The following NISCH variants were observed in gnomAD, a reference collection of about 807,000 sequenced individuals.
NISCH encodes the protein nischarin, also known as I-1 receptor candidate protein.
NISCH carries 55 observed loss-of-function variants against 138.4 expected under a neutral mutation model. The ratio of observed to expected loss-of-function variants is 0.40; its 90% CI spans 0.32 to 0.50. The LOEUF is 0.50. Ranked by LOEUF, NISCH falls within the 20% of genes least tolerant of loss-of-function variation. The pLI is 0.71. For synonymous variants in NISCH, 860 were observed against 861.5 expected (o/e 1.00, Z 0.03); for missense variants, 1,643 against 2,005.5 (o/e 0.82, Z 3.45).
At chr3:52,486,643 A>G (rs1707408879) in intron 15 of NISCH, 1 of 152,966 alleles carries the variant, frequency 6.5e-6, no homozygotes, top group Non-Finnish European at 1.5e-5. Flanking sequence ...AGGGCTGCTG[A>G]AGATCGTATG....
In NISCH at chr3:52,485,807, A is replaced by G. The variant is rs749179050; in HGVS notation, c.1683A>G (p.Pro561=). 14 of 1,582,436 alleles carry G rather than the reference A, an allele frequency of 8.8e-6. No individual in the cohort carries two copies. Among genetic ancestry groups the G allele is most frequent in the South Asian group, 3.5e-5 (3 of 86,646 alleles). ...QAASDDLRDV[P]GAVGGASPEH... Reference sequence around the variant, plus strand: ...CTTCCGATGATTTAAGGGACGTGCCAGGAGCTGTTGGTGGTGCAAGGTAAG... The same window carrying G: ...CTTCCGATGATTTAAGGGACGTGCCGGGAGCTGTTGGTGGTGCAAGGTAAG... Residue 561 remains proline (P), a synonymous_variant, in exon 15 of 21, where the codon CCA becomes CCG. Transcript: ENST00000345716.
chr3:52,484,462 T>TTGGCGCCCCC, intron 13 of NISCH, 51 bp from the exon 14 acceptor site: 5 of 788,670 alleles, frequency 6.3e-6, no homozygotes, highest in Non-Finnish European at 9.1e-6. Flanking sequence ...ACAGCCGCTC[T>TTGGCGCCCCC]CCCCGCCCCA....
rs1286199787 is a variant in NISCH, at chr3:52,489,502, G to A, written c.3280G>A (p.Ala1094Thr). 6 of 1,611,384 alleles carry A rather than the reference G, an allele frequency of 3.7e-6. No homozygotes were observed. The highest frequency in any genetic ancestry group is 5.1e-6 in the Non-Finnish European group (6 of 1,178,332). Residue 1094 changes from alanine (A) to threonine (T), a missense_variant, in exon 17 of 21, where the codon GCT becomes ACT. Transcript: ENST00000345716. ...ALVPEETPVE[A>T]PAPPPAEAPA... ...GGTCCCAGAGGAGACGCCAGTGGAA[G>A]CTCCAGCCCCACCCCCAGCCGAGGC...
At chr3:52,461,052 C>T (rs1706618138) in intron 3 of NISCH, among the ~76,000 whole-genome samples, 1 of 152,110 alleles carries the variant, frequency 6.6e-6, no homozygotes. Flanking sequence ...CCAGCCTGGC[C>T]AACATAGCGA....
At chr3:52,466,142 TAC>T (rs748760977) in intron 3 of NISCH, among the ~76,000 whole-genome samples, 1 of 152,216 alleles carries the variant, frequency 6.6e-6, no homozygotes, top group Non-Finnish European at 1.5e-5. Flanking sequence ...CTTTTGAACT[TAC>T]AGTCTTGCAA....
At position 52,489,420 on chromosome 3, in the gene NISCH, C is replaced by T. The variant is rs755316814; in HGVS notation, c.3198C>T (p.Ala1066=). 5.0e-6 allele frequency: 8 copies of T among 1,603,610 alleles called. No homozygotes were observed. In the Admixed American group the frequency reaches 1.3e-4, roughly 27 times the overall value. The change falls in exon 17 of 21, where the codon GCC becomes GCT. Residue 1066 remains alanine, a synonymous_variant. Transcript: ENST00000345716. ...TCCCAGCTCCAGCCCCTGCAGCAGCCTCAGCCTCAGGCCCAGCGAAGACTC... is the reference window on the plus strand; with the variant it reads ...TCCCAGCTCCAGCCCCTGCAGCAGCTTCAGCCTCAGGCCCAGCGAAGACTC... ...AEVPAPAPAA[A]SASGPAKTPA...
At chr3:52,482,002 C>G (rs976469415) in intron 13 of NISCH, 8 of 809,820 alleles carry the variant, frequency 9.9e-6, no homozygotes, top group Non-Finnish European at 1.2e-5. Flanking sequence ...CCGCTGAGTG[C>G]CCTTTCTGAC....
intron 3 of NISCH, among the ~76,000 whole-genome samples, chr3:52,461,941 C>A (rs1288933151): frequency 6.6e-6 from 1 of 151,960 alleles, no homozygotes; most frequent in Non-Finnish European, 1.5e-5. Context: ...ACATGCAGTC[C>A]TTTGACGGTA....
In NISCH at chr3:52,487,347, C is replaced by T. The variant is rs749719465; in HGVS notation, c.1855C>T (p.Pro619Ser). The T allele has an allele frequency of 1.2e-6, 2 of 1,613,956 alleles. No individual in the cohort carries two copies. Among genetic ancestry groups the T allele is most frequent in the African/African-American group, 1.3e-5 (1 of 74,942 alleles). ...CCGGCAGGCCATCGAGCGGCAGCTG[C>T]CTGCCTGGATCGAGGCTGCCAACCA... Reference protein sequence around the residue: ...LIRQAIERQLPAWIEAANQRE... With the variant: ...LIRQAIERQLSAWIEAANQRE... The change falls in exon 16 of 21, where the codon CCT becomes TCT. Residue 619 changes from proline (P) to serine (S), a missense_variant. Physicochemically the swap from Pro to Ser is moderately conservative, Grantham distance 74. Transcript: ENST00000345716. This position sits in a 1 kb window ranked among gnomAD's most constrained non-coding sequence, Gnocchi z 9.1.
Position 52,492,126 on chromosome 3 carries a change from T to C in NISCH, c.4159T>C (p.Cys1387Arg). 1 of 1,613,082 alleles carries C rather than the reference T, an allele frequency of 6.2e-7. No homozygotes were observed. Among genetic ancestry groups the C allele is most frequent in the Non-Finnish European group, 8.5e-7 (1 of 1,180,028 alleles). Residue 1387 changes from cysteine to arginine, a missense_variant, in exon 21 of 21, where the codon TGT (cysteine) becomes CGT (arginine). By Grantham distance (180) the Cys-to-Arg change is radical. Transcript: ENST00000345716. The stretch of plus-strand genomic sequence containing the variant: ...CGAGATCTTCCTCCTGGATGAGGAC[T>C]GTGTCCACTACCCACTGCCCGAGTT... Reference protein sequence around the residue: ...SSEIFLLDEDCVHYPLPEFAK... With the variant: ...SSEIFLLDEDRVHYPLPEFAK...
At chr3:52,480,478 G>A in intron 13 of NISCH, 183 bp downstream of exon 13, 1 of 1,530,476 alleles carries the variant, frequency 6.5e-7, no homozygotes, top group Non-Finnish European at 8.7e-7. Context: ...CTGGCCTGAT[G>A]CCAGCTGTTG....
intron 3 of NISCH, among the ~76,000 whole-genome samples, chr3:52,468,035 G>A (rs903564710): frequency 2.0e-5 from 3 of 152,158 alleles, no homozygotes; most frequent in East Asian, 3.9e-4. Flanking sequence ...CAAGGTAGGC[G>A]GATCACTTGA....
In NISCH at chr3:52,491,866, C is replaced by G. The variant is rs764571456; in HGVS notation, c.3905-6C>G. ...AGGCTATAGCCCAGGTGGCATCTCT[C>G]TGCAGGGAAGATGGAGAACTACGAG... On this transcript the variant is annotated splice_region_variant and splice_polypyrimidine_tract_variant and intron_variant, in intron 20 of 20. Transcript: ENST00000345716. 3.3e-5 allele frequency: 52 copies of G among 1,579,640 alleles called. No homozygotes were observed. The highest frequency in any genetic ancestry group is 3.9e-5 in the Non-Finnish European group (45 of 1,159,500).
At chr3:52,470,973 C>A (rs1033291737) in intron 4 of NISCH, 66 bp downstream of exon 4, 2 of 1,540,500 alleles carry the variant, frequency 1.3e-6, no homozygotes, top group Admixed American at 1.7e-5. Flanking sequence ...CGGCCAGAGG[C>A]ACAGGATGGC....
At chr3:52,478,992 TGG>T (rs1707185570) in intron 11 of NISCH, among the ~76,000 whole-genome samples, 1 of 152,156 alleles carries the variant, frequency 6.6e-6, no homozygotes, top group Admixed American at 6.5e-5. Context: ...ACCCATCGCC[TGG>T]GCCTGGAGCA....
chr3:52,471,573 A>T, intron 4 of NISCH: 1 of 573,136 alleles, frequency 1.7e-6, no homozygotes, highest in Non-Finnish European at 3.1e-6. Context: ...CTCCTCCCTC[A>T]GTGGCTCCCC....
chr3:52,484,681 G>C (rs1459262473), intron 14 of NISCH, 44 bp downstream of exon 14: 1 of 1,609,512 alleles, frequency 6.2e-7, no homozygotes, highest in Admixed American at 1.7e-5. Flanking sequence ...ATCTGTGGGT[G>C]GACTCTTCTG....
At chr3:52,470,439 C>T (rs768123058) in intron 3 of NISCH, 5 of 174,912 alleles carry the variant, frequency 2.9e-5, no homozygotes, top group African/African-American at 7.1e-5. Flanking sequence ...GTCCTTCATC[C>T]CACCAGGGTG....
chr3:52,481,432 AGACTCTT>A (rs1707269451), intron 13 of NISCH: 1 of 985,930 alleles, frequency 1.0e-6, no homozygotes, highest in Non-Finnish European at 1.2e-6. Flanking sequence ...TGCTTCTGTC[AGACTCTT>A]GACTAAGGAT....
Sources: gnomAD v4.1 joint callset for allele counts (sites outside exome capture counted in the v4.1 genomes callset) on GRCh38, gnomAD v4.1.1 for gene constraint, Gnocchi (gnomAD v3.1) non-coding constraint, MANE v1.5 for transcripts, NCBI Gene and HGNC (gene_info 2026-07-23, HGNC 2026-07-21) for gene names.